PTK2: variants seen among roughly 807,000 people sequenced by gnomAD.
PTK2 encodes the protein protein tyrosine kinase 2.
PTK2 carries 45 observed loss-of-function variants against 150.1 expected under a neutral mutation model. The observed-to-expected ratio is 0.30, with a 90% CI of 0.24 to 0.38. PTK2 has a LOEUF of 0.38. PTK2 is among the 10% of genes least tolerant of loss of function. The probability of loss-of-function intolerance (pLI) is 1.00; values close to 1 mark genes in which losing one functional copy is unlikely to be tolerated. For missense variants in PTK2, 919 were observed against 1,307.3 expected, an observed-to-expected ratio of 0.70 and a Z score of 4.58; for synonymous variants, 432 against 449.2, an observed-to-expected ratio of 0.96 and a Z score of 0.48.
At chr8:140,843,322 T>C (rs991412859) in intron 7 of PTK2, among the ~76,000 whole-genome samples, 2 of 152,178 alleles carry the variant, frequency 1.3e-5, no homozygotes, top group South Asian at 4.1e-4. Context: ...TGGAAATTTC[T>C]TTCAAGTATC....
chr8:140,880,571 GC>G (rs1277711638), intron 3 of PTK2, among the ~76,000 whole-genome samples: 1 of 152,028 alleles, frequency 6.6e-6, no homozygotes, highest in African/African-American at 2.4e-5. Flanking sequence ...TTTAAATGAT[GC>G]TGATATTAAA....
At chr8:140,836,691 T>C (rs1239577274) in intron 7 of PTK2, among the ~76,000 whole-genome samples, 1 of 152,124 alleles carries the variant, frequency 6.6e-6, no homozygotes, top group Non-Finnish European at 1.5e-5. Flanking sequence ...CACAAATTTA[T>C]CCATTCTAGA....
chr8:140,746,747 GGGATC>G lies in PTK2; in HGVS notation c.1518+8_1518+12del. ...CGCTGAGTCCAGAAGGTAAGATTTG[GGGATC>G]ACAGTACCTCTCCAAGTGTGCACAG... On this transcript the variant is annotated splice_region_variant and intron_variant, in intron 18 of 31. Coordinates refer to ENST00000522684, the Ensembl canonical transcript of PTK2. 3.2e-6 allele frequency: 5 copies of G among 1,573,494 alleles called. No homozygotes were observed. The highest frequency in any genetic ancestry group is 4.3e-6 in the Non-Finnish European group (5 of 1,152,356).
intron 4 of PTK2, among the ~76,000 whole-genome samples, chr8:140,872,132 C>A: frequency 6.6e-6 from 1 of 152,130 alleles, no homozygotes; most frequent in Non-Finnish European, 1.5e-5. Context: ...GCAACCTCCA[C>A]CTCCCAGGTT....
intron 1 of PTK2, among the ~76,000 whole-genome samples, chr8:140,984,498 A>G (rs772979548): frequency 2.3e-4 from 35 of 152,206 alleles, no homozygotes; most frequent in Non-Finnish European, 4.3e-4. Flanking sequence ...AACTTAAAAT[A>G]TAACGAGATC....
chr8:140,704,504 T>C (rs1373671598), intron 24 of PTK2, among the ~76,000 whole-genome samples: 1 of 152,210 alleles, frequency 6.6e-6, no homozygotes, highest in African/African-American at 2.4e-5. Context: ...AGACCAGGCC[T>C]GCTGGGACAC....
intron 6 of PTK2, 127 bp from the exon 7 acceptor site, chr8:140,846,449 T>G (rs1298964542): frequency 1.7e-6 from 2 of 1,179,818 alleles, no homozygotes; most frequent in Non-Finnish European, 2.5e-6. Flanking sequence ...GCAATTACTT[T>G]TGCACCAAAC....
chr8:140,997,888 A>G (rs2100198401), intron 1 of PTK2, among the ~76,000 whole-genome samples: 2 of 152,240 alleles, frequency 1.3e-5, no homozygotes, highest in Admixed American at 1.3e-4. Flanking sequence ...GCAGTGAGCT[A>G]TGATTGCACC....
chr8:140,699,256 T>G (rs1018819516), intron 26 of PTK2, among the ~76,000 whole-genome samples: 1 of 152,224 alleles, frequency 6.6e-6, no homozygotes, highest in Non-Finnish European at 1.5e-5. Flanking sequence ...CTCAAAATTA[T>G]GAATCCTGGC....
At chr8:140,983,681 G>A (rs1250537330) in intron 1 of PTK2, among the ~76,000 whole-genome samples, 1 of 148,252 alleles carries the variant, frequency 6.7e-6, no homozygotes, top group Non-Finnish European at 1.5e-5. Context: ...GAAGGAAGAA[G>A]GAAGGAAGGA....
intron 1 of PTK2, among the ~76,000 whole-genome samples, chr8:140,987,948 G>GT (rs2100193962): frequency 6.6e-6 from 1 of 151,844 alleles, no homozygotes; most frequent in Non-Finnish European, 1.5e-5. Context: ...CAGCGACTGA[G>GT]GTCAGAGGAT....
intron 23 of PTK2, among the ~76,000 whole-genome samples, chr8:140,709,377 C>G (rs1419709517): frequency 6.6e-6 from 1 of 152,142 alleles, no homozygotes; most frequent in African/African-American, 2.4e-5. Flanking sequence ...TTATGATAGA[C>G]AAAATATTTG....
intron 26 of PTK2, among the ~76,000 whole-genome samples, chr8:140,694,232 G>A (rs1461611285): frequency 2.6e-5 from 4 of 151,754 alleles, no homozygotes; most frequent in African/African-American, 4.8e-5. Context: ...TAGTAGAGAC[G>A]GGGTTTCACC....
chr8:140,812,913 G>A (rs950161917), intron 10 of PTK2, among the ~76,000 whole-genome samples: 8 of 152,154 alleles, frequency 5.3e-5, no homozygotes, highest in African/African-American at 1.9e-4. Flanking sequence ...AAGAGACTTA[G>A]ACTCCTACAC....
At chr8:140,680,484 C>A (rs953225255) in intron 27 of PTK2, among the ~76,000 whole-genome samples, 1 of 152,140 alleles carries the variant, frequency 6.6e-6, no homozygotes, top group African/African-American at 2.4e-5. Context: ...CCGCTCCTGG[C>A]CACAAGTTCT....
At chr8:140,875,666 T>C (rs2100145059) in intron 4 of PTK2, among the ~76,000 whole-genome samples, 1 of 152,200 alleles carries the variant, frequency 6.6e-6, no homozygotes, top group Non-Finnish European at 1.5e-5. Context: ...TACAATCCTG[T>C]ACAACTGTTT....
chr8:140,818,452 G>T, intron 9 of PTK2, 98 bp from the exon 10 acceptor site: 2 of 1,062,610 alleles, frequency 1.9e-6, no homozygotes, highest in Admixed American at 1.9e-5. Context: ...CAAAGCAGGG[G>T]CTGGTTTGGT....
intron 25 of PTK2, among the ~76,000 whole-genome samples, chr8:140,702,334 C>G (rs1200946847): frequency 1.3e-5 from 2 of 151,008 alleles, no homozygotes; most frequent in East Asian, 3.9e-4. Flanking sequence ...ATCCTCTCAC[C>G]CCAGCATCCC....
chr8:140,833,237 T>A, intron 7 of PTK2, among the ~76,000 whole-genome samples: 1 of 152,200 alleles, frequency 6.6e-6, no homozygotes, highest in East Asian at 1.9e-4. Context: ...TTTCTTAAAC[T>A]TCTTTTGACT....
Sources: allele counts gnomAD v4.1 joint callset (sites outside exome capture counted in the v4.1 genomes callset), GRCh38; gene constraint gnomAD v4.1.1; transcripts MANE v1.5; gene names NCBI Gene and HGNC (gene_info 2026-07-23, HGNC 2026-07-21).